FAM210A: variants seen among roughly 807,000 people sequenced by gnomAD.
The protein encoded by FAM210A is family with sequence similarity 210 member A.
Under a neutral mutation model 25.3 loss-of-function variants are expected in FAM210A, and 13 were observed. The observed-to-expected ratio is 0.51, with a 90% CI of 0.33 to 0.82. FAM210A has a LOEUF of 0.82. Ranked by LOEUF, FAM210A falls within the 40% of genes least tolerant of loss-of-function variation. The pLI is 0.02. For synonymous variants in FAM210A, 125 were observed against 118.7 expected (o/e 1.05, Z -0.35); for missense variants, 319 against 323.2 (o/e 0.99, Z 0.10).
intron 2 of FAM210A, among the ~76,000 whole-genome samples, chr18:13,677,349 C>T (rs1036063982): frequency 1.3e-5 from 2 of 152,216 alleles, no homozygotes; most frequent in Non-Finnish European, 2.9e-5. Flanking sequence ...GCTGGGATTA[C>T]AGGCGTGAGC....
intron 1 of FAM210A, among the ~76,000 whole-genome samples, chr18:13,684,230 C>T (rs566572320): frequency 6.6e-6 from 1 of 151,938 alleles, no homozygotes; most frequent in Admixed American, 6.6e-5. Flanking sequence ...CCCCATCTCT[C>T]CTAAAAATAT....
chr18:13,718,197 TG>T (rs1179324876), intron 1 of FAM210A, among the ~76,000 whole-genome samples: 2 of 152,122 alleles, frequency 1.3e-5, no homozygotes, highest in Non-Finnish European at 2.9e-5. Flanking sequence ...TTGCTAAATG[TG>T]GGGGTAATTT....
In FAM210A at chr18:13,694,824, A is replaced by G. The variant is rs142172616; in HGVS notation, c.-28-12719T>C. Among the ~76,000 whole-genome samples, 590 of 152,370 alleles carry G rather than the reference A, an allele frequency of 3.9e-3. 2 individuals carry two copies. Among genetic ancestry groups the G allele is most frequent in the African/African-American group, 0.013 (525 of 41,586 alleles). On this transcript the variant is annotated intron_variant, in intron 1 of 3. Transcript: ENST00000651643. ...AGGCATGGGCAAGGACTTCATCACTAAAACACCAAAAGCAATGGCAACAAA... is the reference window on the plus strand; with the variant it reads ...AGGCATGGGCAAGGACTTCATCACTGAAACACCAAAAGCAATGGCAACAAA...
At chr18:13,724,121 C>CT (rs969211364) in intron 1 of FAM210A, among the ~76,000 whole-genome samples, 4 of 151,996 alleles carry the variant, frequency 2.6e-5, no homozygotes, top group African/African-American at 9.7e-5. Context: ...CCTGCAGGTC[C>CT]TTTCCTTGTC....
chr18:13,720,796 A>G (rs138256875), intron 1 of FAM210A, among the ~76,000 whole-genome samples: 4 of 152,324 alleles, frequency 2.6e-5, no homozygotes, highest in Non-Finnish European at 5.9e-5. Context: ...GAAGTCCAAG[A>G]TCAAGGTGTC....
At chr18:13,725,704 T>C (rs936419339) in intron 1 of FAM210A, among the ~76,000 whole-genome samples, 2 of 152,202 alleles carry the variant, frequency 1.3e-5, no homozygotes, top group Non-Finnish European at 2.9e-5. Context: ...TCCTCAACTA[T>C]GGAGCTTTCG....
chr18:13,704,180 G>A (rs753112927), intron 1 of FAM210A, among the ~76,000 whole-genome samples: 1 of 152,156 alleles, frequency 6.6e-6, no homozygotes, highest in Non-Finnish European at 1.5e-5. Flanking sequence ...AGGCGTGTGA[G>A]GAAAGTGAAA....
At chr18:13,725,294 TATA>T (rs780974235) in intron 1 of FAM210A, among the ~76,000 whole-genome samples, 3 of 152,200 alleles carry the variant, frequency 2.0e-5, no homozygotes, top group Non-Finnish European at 4.4e-5. Context: ...CCTCATTTCA[TATA>T]ATAACAAATA....
intron 1 of FAM210A, among the ~76,000 whole-genome samples, chr18:13,711,675 A>G (rs901787115): frequency 2.0e-5 from 3 of 152,136 alleles, no homozygotes; most frequent in Admixed American, 6.5e-5. Flanking sequence ...TTTTTCTCTT[A>G]AATCTGAATG....
intron 1 of FAM210A, chr18:13,710,312 T>G (rs566787626): frequency 6.6e-6 from 1 of 152,250 alleles, no homozygotes; most frequent in South Asian, 2.1e-4. Context: ...GCCTCTCGAG[T>G]AGCTGGGACT....
intron 1 of FAM210A, among the ~76,000 whole-genome samples, chr18:13,718,077 A>G (rs1169284304): frequency 5.9e-5 from 9 of 152,190 alleles, no homozygotes; most frequent in Non-Finnish European, 2.9e-5. Context: ...CCTCCAGATG[A>G]GAATGCAGCC....
chr18:13,724,767 C>CT (rs2043920835), intron 1 of FAM210A, among the ~76,000 whole-genome samples: 1 of 152,018 alleles, frequency 6.6e-6, no homozygotes. Flanking sequence ...AATCTAATAA[C>CT]TTTTTTTGTT....
chr18:13,704,477 T>C (rs553461336), intron 1 of FAM210A, among the ~76,000 whole-genome samples: 54 of 152,344 alleles, frequency 3.5e-4, no homozygotes, highest in African/African-American at 1.2e-3. Context: ...ATAAGGTTTA[T>C]AAAAATCTCA....
intron 2 of FAM210A, among the ~76,000 whole-genome samples, chr18:13,680,186 A>T (rs1165838049): frequency 1.3e-5 from 2 of 152,244 alleles, no homozygotes; most frequent in South Asian, 4.1e-4. Context: ...AAATCCATTC[A>T]TTACATAGCA....
At chr18:13,698,416 C>T (rs1222605608) in intron 1 of FAM210A, among the ~76,000 whole-genome samples, 1 of 150,872 alleles carries the variant, frequency 6.6e-6, no homozygotes, top group Admixed American at 6.6e-5. Context: ...TCCTAGGATC[C>T]TGAGAATATC....
intron 1 of FAM210A, among the ~76,000 whole-genome samples, chr18:13,702,533 A>G (rs1197400880): frequency 5.3e-5 from 8 of 152,204 alleles, no homozygotes; most frequent in African/African-American, 1.2e-4. Context: ...CTGTGACCAC[A>G]TGGCTACACT....
At chr18:13,717,784 G>A (rs1297212577) in intron 1 of FAM210A, among the ~76,000 whole-genome samples, 1 of 152,182 alleles carries the variant, frequency 6.6e-6, no homozygotes, top group Non-Finnish European at 1.5e-5. Flanking sequence ...CAGTCTAACA[G>A]GCTCGAGAAA....
intron 2 of FAM210A, among the ~76,000 whole-genome samples, chr18:13,672,728 G>C (rs1432364248): frequency 6.7e-6 from 1 of 150,350 alleles, no homozygotes; most frequent in Non-Finnish European, 1.5e-5. Flanking sequence ...AATTTTATGT[G>C]TAAAATTGCA....
At position 13,674,137 on chromosome 18, in the gene FAM210A, C is replaced by T. The variant is rs1173289943; in HGVS notation, c.474-2164G>A. 4.0e-5 allele frequency among the ~76,000 whole-genome samples: 6 copies of T among 151,326 alleles called. No individual in the cohort carries two copies. In the East Asian group the frequency reaches 1.2e-3, roughly 30 times the overall value. ...GATTATTAACATTCCTGAGCCCAGG[C>T]TTCTTTATTTCCAGTTTCCTGATTA... is the stretch of plus-strand genomic sequence containing the variant. On this transcript the variant is annotated intron_variant, in intron 2 of 3. Transcript: ENST00000651643.
Sources: gnomAD v4.1 joint callset for allele counts (sites outside exome capture counted in the v4.1 genomes callset) on GRCh38, gnomAD v4.1.1 for gene constraint, MANE v1.5 for transcripts, NCBI Gene and HGNC (gene_info 2026-07-23, HGNC 2026-07-21) for gene names.